Variants in PCDHGB1 observed in about 807,000 individuals in gnomAD.
PCDHGB1 encodes protocadherin gamma subfamily B, 1.
A neutral mutation model predicts 56.6 loss-of-function variants in PCDHGB1; 34 were observed. That is an observed-to-expected ratio of 0.60 (90% confidence interval 0.46 to 0.80). The LOEUF (loss-of-function observed/expected upper bound fraction) is 0.80, where lower values mean the gene tolerates loss of function less well. Ranked by LOEUF, PCDHGB1 falls within the 30% of genes least tolerant of loss-of-function variation. PCDHGB1 has a pLI of 0.00. For synonymous variants in PCDHGB1, 561 were observed against 505.9 expected, an observed-to-expected ratio of 1.11 and a Z score of -1.46; for missense variants, 1,278 against 1,204.6, an observed-to-expected ratio of 1.06 and a Z score of -0.90.
intron 1 of PCDHGB1, among the ~76,000 whole-genome samples, chr5:141,368,668 C>T (rs1198992123): frequency 1.3e-5 from 2 of 152,072 alleles, no homozygotes; most frequent in East Asian, 3.9e-4. Flanking sequence ...TCTTTAAACC[C>T]TCTATAAACT....
chr5:141,355,102 C>A, intron 1 of PCDHGB1: 1 of 1,501,220 alleles, frequency 6.7e-7, no homozygotes, highest in Middle Eastern at 2.5e-4. Context: ...AGAGCTCTGG[C>A]TGTGAATGCA....
intron 1 of PCDHGB1, chr5:141,422,645 T>C: frequency 6.2e-7 from 1 of 1,612,232 alleles, no homozygotes; most frequent in Non-Finnish European, 8.5e-7. Flanking sequence ...GCCTCCATCT[T>C]CTCAGTGACC....
chr5:141,449,484 A>G (rs1003440539), intron 1 of PCDHGB1, among the ~76,000 whole-genome samples: 2 of 150,848 alleles, frequency 1.3e-5, no homozygotes, highest in Non-Finnish European at 3.0e-5. Context: ...CCCCATGCCT[A>G]AGGGTGAGGC....
In PCDHGB1 at chr5:141,351,594, C is replaced by T; in HGVS notation, c.1334C>T (p.Ala445Val). Reference protein sequence around the residue: ...TLHISDINDNAPVFHQASYVV... With the variant: ...TLHISDINDNVPVFHQASYVV... ...CACATCTCCGACATCAACGACAATG[C>T]ACCTGTTTTCCATCAGGCCTCCTAT... The change falls in exon 1 of 4, where the codon GCA (alanine) becomes GTA (valine). Residue 445 changes from alanine to valine, a missense_variant. Transcript: ENST00000523390. The T allele has an allele frequency of 6.2e-7, 1 of 1,614,090 alleles. No individual in the cohort carries two copies. The highest frequency in any genetic ancestry group is 2.2e-5 in the East Asian group (1 of 44,880).
intron 1 of PCDHGB1, among the ~76,000 whole-genome samples, chr5:141,425,103 A>G (rs894147422): frequency 1.3e-5 from 2 of 152,202 alleles, no homozygotes; most frequent in Non-Finnish European, 2.9e-5. Flanking sequence ...CTTCCAACAG[A>G]TGCCTACATT....
intron 1 of PCDHGB1, among the ~76,000 whole-genome samples, chr5:141,449,677 A>G (rs543079734): frequency 6.3e-4 from 96 of 151,362 alleles, no homozygotes; most frequent in Non-Finnish European, 1.1e-3. Flanking sequence ...GTGTATGTAT[A>G]TATGTTTGTG....
At chr5:141,396,724 A>G (rs957039654) in intron 1 of PCDHGB1, 1 of 152,212 alleles carries the variant, frequency 6.6e-6, no homozygotes, top group African/African-American at 2.4e-5. Flanking sequence ...TAATACCTGA[A>G]TTGATTGTTG....
At chr5:141,361,145 T>C (rs1561522741) in intron 1 of PCDHGB1, 2 of 1,613,964 alleles carry the variant, frequency 1.2e-6, no homozygotes, top group South Asian at 2.2e-5. Flanking sequence ...CAAGTTGAAA[T>C]TCTTGATGAC....
intron 1 of PCDHGB1, among the ~76,000 whole-genome samples, chr5:141,444,735 C>A (rs924159168): frequency 1.3e-5 from 2 of 152,116 alleles, no homozygotes; most frequent in Admixed American, 1.3e-4. Context: ...TGTTGAAAGT[C>A]ATTTCACTGA....
At chr5:141,478,251 T>C in intron 1 of PCDHGB1, 1 of 1,614,072 alleles carries the variant, frequency 6.2e-7, no homozygotes, top group Non-Finnish European at 8.5e-7. Context: ...GTGTTCGGAG[T>C]AATCATATTC....
In PCDHGB1 at chr5:141,477,472, C is replaced by T. The variant is rs764533834; in HGVS notation, c.2410-17335C>T. 1 of 1,614,156 alleles carries T rather than the reference C, an allele frequency of 6.2e-7. No homozygotes were observed. Among genetic ancestry groups the T allele is most frequent in the South Asian group, 1.1e-5 (1 of 91,080 alleles). Reference sequence around the variant, plus strand: ...GTGTTCAAGTGTCCGACATCAATGACAACCCTCCACAATCTTCTCAATCTT... The same window carrying T: ...GTGTTCAAGTGTCCGACATCAATGATAACCCTCCACAATCTTCTCAATCTT... On this transcript the variant is annotated intron_variant, in intron 1 of 3. Transcript: ENST00000523390. This position sits in a 1 kb window ranked among gnomAD's most constrained non-coding sequence, Gnocchi z 4.9.
rs188953728 is a variant in PCDHGB1, at chr5:141,448,550, T to A, written c.2410-46257T>A. Among the ~76,000 whole-genome samples, 304 of 152,316 alleles carry A rather than the reference T, an allele frequency of 2.0e-3. 1 individual carries two copies. Among genetic ancestry groups the A allele is most frequent in the African/African-American group, 6.6e-3 (275 of 41,578 alleles). On this transcript the variant is annotated intron_variant, in intron 1 of 3. Transcript: ENST00000523390. ...CCTGTCAGCATTTCTTATGCAAATA[T>A]GTACATATATTTTTATTTCCCCATT...
At chr5:141,488,859 G>A (rs1033425540) in intron 1 of PCDHGB1, among the ~76,000 whole-genome samples, 12 of 152,204 alleles carry the variant, frequency 7.9e-5, no homozygotes, top group African/African-American at 2.9e-4. Context: ...GCAGCACGAA[G>A]TGAGTGGGGA....
intron 1 of PCDHGB1, among the ~76,000 whole-genome samples, chr5:141,425,459 C>A (rs2096876834): frequency 6.6e-6 from 1 of 152,200 alleles, no homozygotes; most frequent in African/African-American, 2.4e-5. Flanking sequence ...CATCACATTT[C>A]ATGTTATTAA....
chr5:141,484,333 A>T (rs1019527273), intron 1 of PCDHGB1, among the ~76,000 whole-genome samples: 2 of 152,198 alleles, frequency 1.3e-5, no homozygotes, highest in Non-Finnish European at 2.9e-5. Flanking sequence ...CCTTGAAATC[A>T]ATGAATGGTA....
chr5:141,413,762 C>T (rs538764130), intron 1 of PCDHGB1: 3 of 1,612,894 alleles, frequency 1.9e-6, no homozygotes, highest in Admixed American at 1.7e-5. Flanking sequence ...GTCAAGTACC[C>T]GGAGCTGGTA....
chr5:141,371,769 G>C lies in PCDHGB1; in HGVS notation c.2409+19100G>C, dbSNP rs755229487. Reference sequence around the variant, plus strand: ...CGTTTTCCACCAGGCCTCCTACACCGTGCATGTAGCTGAGAACAATCCGCC... The same window carrying C: ...CGTTTTCCACCAGGCCTCCTACACCCTGCATGTAGCTGAGAACAATCCGCC... On this transcript the variant is annotated intron_variant, in intron 1 of 3. Transcript: ENST00000523390. 43 of 1,613,880 alleles carry C rather than the reference G, an allele frequency of 2.7e-5. No individual in the cohort carries two copies. Among genetic ancestry groups the C allele is most frequent in the Admixed American group, 6.7e-5 (4 of 60,016 alleles).
Position 141,431,529 on chromosome 5 carries a change from T to G in PCDHGB1, c.2410-63278T>G, listed in dbSNP as rs145601545. The G allele has an allele frequency of 2.5e-6, 4 of 1,614,074 alleles. No homozygotes were observed. The highest frequency in any genetic ancestry group is 3.4e-6 in the Non-Finnish European group (4 of 1,180,030). ...GCGAGCGTTCCGGAGAATCTGGCCT[T>G]GGGCACGCAGCTGCTTGTAGTCAAC... On this transcript the variant is annotated intron_variant, in intron 1 of 3. Coordinates refer to ENST00000523390, the MANE Select transcript of PCDHGB1 (RefSeq NM_018922.3). The surrounding 1 kb of genome is among the most constrained non-coding windows in gnomAD (Gnocchi z 4.8).
chr5:141,415,533 G>C lies in PCDHGB1; in HGVS notation c.2409+62864G>C, dbSNP rs749139053. On this transcript the variant is annotated intron_variant, in intron 1 of 3. Coordinates refer to ENST00000523390, the MANE Select transcript of PCDHGB1 (RefSeq NM_018922.3). ...ATTATGCGGACACGCTCATCAGCCA[G>C]GAGAGCTGTGAGAAAAACGATCCTT... is the stretch of plus-strand genomic sequence containing the variant. 1.4e-5 allele frequency: 22 copies of C among 1,614,080 alleles called. No individual in the cohort carries two copies. Among genetic ancestry groups the C allele is most frequent in the Non-Finnish European group, 1.9e-5 (22 of 1,180,042 alleles).
Sources: allele counts gnomAD v4.1 joint callset (sites outside exome capture counted in the v4.1 genomes callset), GRCh38; gene constraint gnomAD v4.1.1; non-coding constraint Gnocchi (gnomAD v3.1); transcripts MANE v1.5; gene names NCBI Gene and HGNC (gene_info 2026-07-23, HGNC 2026-07-21).